SEC23IP: variants seen among roughly 807,000 people sequenced by gnomAD.
SEC23IP encodes SEC23 interacting protein.
SEC23IP carries 70 observed loss-of-function variants against 113.4 expected under a neutral mutation model. That is an observed-to-expected ratio of 0.62 (90% CI 0.51 to 0.75). The LOEUF is 0.75. Ranked by LOEUF, SEC23IP falls within the 30% of genes least tolerant of loss-of-function variation. The pLI, the probability that SEC23IP is intolerant of heterozygous loss-of-function variation, is 0.00. For missense variants in SEC23IP, 1,160 were observed against 1,204.9 expected (o/e 0.96, Z 0.55); for synonymous variants, 398 against 421.0 (o/e 0.95, Z 0.67).
At position 119,902,929 on chromosome 10, in the gene SEC23IP, G is replaced by A; in HGVS notation, c.827G>A (p.Cys276Tyr). The stretch of plus-strand genomic sequence containing the variant: ...CCTGTTCAGCCCCACTGGTTTTACT[G>A]CAAGGAGGTAGAATACAAACAACTG... ...YEPVQPHWFY[C>Y]KEVEYKQLWM... is the part of the protein sequence containing the mutation. The change falls in exon 3 of 19, where the codon TGC (cysteine) becomes TAC (tyrosine). Residue 276 changes from cysteine (C) to tyrosine (Y), a missense_variant. Transcript: ENST00000369075. 1 of 1,614,140 alleles carries A rather than the reference G, an allele frequency of 6.2e-7. No homozygotes were observed. The highest frequency in any genetic ancestry group is 8.5e-7 in the Non-Finnish European group (1 of 1,180,004).
chr10:119,893,210 T>C (rs868787296), intron 1 of SEC23IP, among the ~76,000 whole-genome samples: 6 of 152,158 alleles, frequency 3.9e-5, no homozygotes, highest in Admixed American at 2.6e-4. Context: ...CGCAAATCTT[T>C]GCTGAATACC....
At chr10:119,901,780 G>A (rs947484690) in intron 2 of SEC23IP, among the ~76,000 whole-genome samples, 18 of 152,010 alleles carry the variant, frequency 1.2e-4, no homozygotes, top group African/African-American at 1.9e-4. Flanking sequence ...TCCGCCTCCC[G>A]GGTTCAAGCG....
At chr10:119,903,306 G>T (rs889501694) in intron 3 of SEC23IP, among the ~76,000 whole-genome samples, 1 of 152,146 alleles carries the variant, frequency 6.6e-6, no homozygotes, top group East Asian at 1.9e-4. Flanking sequence ...AGTTATGGGG[G>T]CATTTATAAA....
chr10:119,905,250 CAAAT>C (rs750507273), intron 4 of SEC23IP, among the ~76,000 whole-genome samples: 6 of 151,914 alleles, frequency 3.9e-5, no homozygotes, highest in East Asian at 1.9e-4. Context: ...TATAAATAAA[CAAAT>C]AAAGATATAT....
rs199990714 is a variant in SEC23IP, at chr10:119,918,366, A to G, written c.1754-27A>G. ...GTGTTATAAAAGTACCTACTACATT[A>G]TAAGGCAAAATGTTTCTTTTTCATA... On this transcript the variant is annotated intron_variant, in intron 9 of 18. Transcript: ENST00000369075. The G allele has an allele frequency of 4.9e-4, 673 of 1,387,480 alleles. 6 individuals carry two copies. The South Asian group carries it at 7.5e-3, about 15-fold the overall frequency. 85.9% of individuals were successfully genotyped at this position (1,387,480 alleles called of 1,614,324 possible).
Position 119,944,234 on chromosome 10 carries a change from G to GTTTTCCC in SEC23IP, c.*3671_*3677dup, listed in dbSNP as rs1856025797. 1 of 152,132 alleles carries GTTTTCCC rather than the reference G, an allele frequency of 6.6e-6. No homozygotes were observed. Among genetic ancestry groups the GTTTTCCC allele is most frequent in the African/African-American group, 2.4e-5 (1 of 41,430 alleles). 9.4% of individuals were successfully genotyped at this position (152,132 alleles called of 1,614,324 possible). ...AGATCTGATGGTTTTAAAAGTGGCAGTTTTCCCTGCACTCTCTCCTGCCAC... is the reference window on the plus strand; with the variant it reads ...AGATCTGATGGTTTTAAAAGTGGCAGTTTTCCCTTTTCCCTGCACTCTCTCCTGCCAC... On this transcript the variant is annotated 3_prime_UTR_variant, in exon 19 of 19. Transcript: ENST00000369075.
chr10:119,917,403 G>C (rs573548590), intron 8 of SEC23IP, among the ~76,000 whole-genome samples: 1 of 150,412 alleles, frequency 6.6e-6, no homozygotes, highest in Admixed American at 6.6e-5. Flanking sequence ...TTTTGAGGTG[G>C]AATCTTGCTC....
chr10:119,941,073 C>T lies in SEC23IP; in HGVS notation c.*508C>T, dbSNP rs1380444144. 6.6e-6 allele frequency: 1 copy of T among 152,120 alleles called. No homozygotes were observed. The highest frequency in any genetic ancestry group is 1.5e-5 in the Non-Finnish European group (1 of 68,042). 9.4% of individuals were successfully genotyped at this position (152,120 alleles called of 1,614,324 possible). On this transcript the variant is annotated 3_prime_UTR_variant, in exon 19 of 19. Transcript: ENST00000369075. ...TCTACTTAAAATGTGAATTGTACTTCTGAGCTGCCTTAATGCAAGGTCATT... is the reference window on the plus strand; with the variant it reads ...TCTACTTAAAATGTGAATTGTACTTTTGAGCTGCCTTAATGCAAGGTCATT...
chr10:119,933,840 C>A, intron 18 of SEC23IP, 53 bp downstream of exon 18: 1 of 936,258 alleles, frequency 1.1e-6, no homozygotes, highest in Non-Finnish European at 1.7e-6. Flanking sequence ...ATTCTCAAAT[C>A]TGTTGTATGG....
chr10:119,938,600 A>G (rs902213307), intron 18 of SEC23IP, among the ~76,000 whole-genome samples: 2 of 152,238 alleles, frequency 1.3e-5, no homozygotes, highest in African/African-American at 2.4e-5. Context: ...AATTTTTTAC[A>G]TAATATCTGG....
Position 119,932,212 on chromosome 10 carries a change from A to G in SEC23IP, c.2652A>G (p.Thr884=), listed in dbSNP as rs2134529127. The G allele has an allele frequency of 1.2e-6, 2 of 1,612,616 alleles. No individual in the cohort carries two copies. The highest frequency in any genetic ancestry group is 1.7e-4 in the Middle Eastern group (1 of 6,060). Residue 884 remains threonine, a synonymous_variant, in exon 16 of 19, where the codon ACA becomes ACG. Coordinates refer to ENST00000369075, the MANE Select transcript of SEC23IP (RefSeq NM_007190.4). ...FISSLKSAWQ[T]LNEFARAHTS... ...GCTCTCTCAAAAGTGCTTGGCAGAC[A>G]TTAAATGAGTTTGCCCGTGCTCATA... is the stretch of plus-strand genomic sequence containing the variant.
intron 2 of SEC23IP, 26 bp downstream of exon 2, chr10:119,898,985 A>G (rs369255228): frequency 3.3e-6 from 5 of 1,496,694 alleles, no homozygotes; most frequent in East Asian, 2.3e-5. Flanking sequence ...TTTGTGTCCT[A>G]CTTATTCACT....
intron 4 of SEC23IP, among the ~76,000 whole-genome samples, chr10:119,905,459 A>G (rs1854632373): frequency 6.6e-6 from 1 of 152,194 alleles, no homozygotes; most frequent in African/African-American, 2.4e-5. Flanking sequence ...ATATCCACAT[A>G]CTGACCACTG....
intron 1 of SEC23IP, 93 bp from the exon 2 acceptor site, chr10:119,898,334 A>G (rs1589820275): frequency 1.5e-6 from 2 of 1,378,852 alleles, no homozygotes; most frequent in South Asian, 2.2e-5. Context: ...AAGAACAAAT[A>G]AGGAAGTATA....
At chr10:119,893,084 A>C in intron 1 of SEC23IP, 139 bp downstream of exon 1, 2 of 924,096 alleles carry the variant, frequency 2.2e-6, no homozygotes, top group Non-Finnish European at 3.2e-6. Context: ...GCCAGGTTTG[A>C]GTGGGTCGGG....
intron 2 of SEC23IP, among the ~76,000 whole-genome samples, 182 bp downstream of exon 2, chr10:119,899,141 ATATTTTAGTG>A (rs1854392894): frequency 6.6e-6 from 1 of 152,224 alleles, no homozygotes; most frequent in Non-Finnish European, 1.5e-5. Context: ...TGGATGGCTC[ATATTTTAGTG>A]TATATTACCT....
At position 119,895,855 on chromosome 10, in the gene SEC23IP, T is replaced by G. The variant is rs527300383; in HGVS notation, c.164-2572T>G. ...GTCCTCTGCCCCCAGTAGATCACTT[T>G]GACTAGAGTGTGTGCAGTGGAGTGG... On this transcript the variant is annotated intron_variant, in intron 1 of 18. Coordinates refer to ENST00000369075, the MANE Select transcript of SEC23IP (RefSeq NM_007190.4). Among the ~76,000 whole-genome samples, 5 of 152,306 alleles carry G rather than the reference T, an allele frequency of 3.3e-5. No homozygotes were observed. The South Asian group carries it at 1.0e-3, about 32-fold the overall frequency.
At chr10:119,904,308 T>C in intron 4 of SEC23IP, 31 bp downstream of exon 4, 9 of 1,600,138 alleles carry the variant, frequency 5.6e-6, no homozygotes, top group Non-Finnish European at 7.7e-6. Flanking sequence ...TATGAGTTTC[T>C]TTAAAAAATG....
intron 13 of SEC23IP, among the ~76,000 whole-genome samples, chr10:119,929,254 G>A (rs1473574396): frequency 6.6e-6 from 1 of 151,840 alleles, no homozygotes; most frequent in East Asian, 1.9e-4. Context: ...TATTTTTTGA[G>A]ATGGAGTCTT....
Sources: allele counts gnomAD v4.1 joint callset (sites outside exome capture counted in the v4.1 genomes callset), GRCh38; gene constraint gnomAD v4.1.1; transcripts MANE v1.5; gene names NCBI Gene and HGNC (gene_info 2026-07-23, HGNC 2026-07-21).